The following FLG2 variants were observed in gnomAD, a reference collection of about 807,000 sequenced individuals.
FLG2 encodes filaggrin 2.
Under a neutral mutation model 3.9 loss-of-function variants are expected in FLG2, and 7 were observed. The observed-to-expected ratio is 1.79, with a 90% CI of 1.02 to 3.36. FLG2 has a LOEUF of 3.36. Ranked by LOEUF, FLG2 falls within the 30% of genes most tolerant of loss-of-function variation. The pLI is 0.00. For synonymous variants in FLG2, 1,031 were observed against 1,056.1 expected, an observed-to-expected ratio of 0.98 and a Z score of 0.46; for missense variants, 2,700 against 2,809.4, an observed-to-expected ratio of 0.96 and a Z score of 0.88.
chr1:152,351,164 G>T lies in FLG2; in HGVS notation c.6622C>A (p.His2208Asn). The T allele has an allele frequency of 6.2e-7, 1 of 1,613,884 alleles. No homozygotes were observed. Among genetic ancestry groups the T allele is most frequent in the Non-Finnish European group, 8.5e-7 (1 of 1,179,988 alleles). The change falls in exon 3 of 3, where the codon CAT (histidine) becomes AAT (asparagine). Residue 2208 changes from histidine (H) to asparagine (N), a missense_variant. Coordinates refer to ENST00000388718, the MANE Select transcript of FLG2 (RefSeq NM_001014342.3). The stretch of plus-strand genomic sequence containing the variant: ...TGACCTGAGGATCCTGACTGTCCAT[G>T]TCGAGATCCGGCTTGGCTGTGAGTG... The part of the protein sequence containing the change: ...GHTHSQAGSR[H>N]GQSGSSGHGR...
Position 152,357,352 on chromosome 1 carries a change from C to A in FLG2, c.434G>T (p.Gly145Val). Reference protein sequence around the residue: ...SEGEEHGYSSGHSRGTVKCRH... With the variant: ...SEGEEHGYSSVHSRGTVKCRH... The stretch of plus-strand genomic sequence containing the variant: ...ACATTTCACAGTTCCCCTTGAGTGC[C>A]CAGAACTATATCCATGCTCCTCTCC... Residue 145 changes from glycine (G) to valine (V), a missense_variant, in exon 3 of 3, where the codon GGG becomes GTG. Physicochemically the swap from Gly to Val is moderately radical, Grantham distance 109. Coordinates refer to ENST00000388718, the MANE Select transcript of FLG2 (RefSeq NM_001014342.3). The A allele has an allele frequency of 4.3e-6, 7 of 1,614,142 alleles. No individual in the cohort carries two copies. The highest frequency in any genetic ancestry group is 5.9e-6 in the Non-Finnish European group (7 of 1,180,030).
rs1203587296 is a variant in FLG2 at position 152,349,416 on chromosome 1, A to T, written c.*1194T>A. On this transcript the variant is annotated 3_prime_UTR_variant, in exon 3 of 3. Transcript: ENST00000388718. ...CATCTTGGCCTCCCAAAGTGCTGGG[A>T]TTACAGGCGTGAGCCACCGCGCCCG... 1 of 152,212 alleles carries T rather than the reference A, an allele frequency of 6.6e-6. No homozygotes were observed. Among genetic ancestry groups the T allele is most frequent in the Non-Finnish European group, 1.5e-5 (1 of 68,072 alleles). The allele number at this position is 152,212 out of a possible 1,614,324, so 9.4% of individuals were successfully genotyped here.
Position 152,350,447 on chromosome 1 carries a change from G to T in FLG2, c.*163C>A. On this transcript the variant is annotated 3_prime_UTR_variant, in exon 3 of 3. Transcript: ENST00000388718. ...GACTGTTTATGAGTTACTATAGAAT[G>T]TCCATGACTAGATTCCTGACTTCTT... The T allele has an allele frequency of 2.3e-6, 2 of 882,812 alleles. No homozygotes were observed. The highest frequency in any genetic ancestry group is 3.4e-6 in the Non-Finnish European group (2 of 594,462). The allele number at this position is 882,812 out of a possible 1,614,324, so 54.7% of individuals were successfully genotyped here. A position where few individuals can be genotyped will look rare whatever the true frequency, so the allele number is the denominator to read the frequency against.
Position 152,351,522 on chromosome 1 carries a change from T to C in FLG2, c.6264A>G (p.Gly2088=). 1 of 1,612,668 alleles carries C rather than the reference T, an allele frequency of 6.2e-7. No individual in the cohort carries two copies. The highest frequency in any genetic ancestry group is 8.5e-7 in the Non-Finnish European group (1 of 1,179,722). ...DTTRHAHSGH[G]QSTQRGSRTA... is the part of the protein sequence containing the mutation. The stretch of plus-strand genomic sequence containing the variant: ...TCCTTGACCCTCTCTGTGTGGACTG[T>C]CCATGACCAGAGTGAGCATGTCTAG... The change falls in exon 3 of 3, where the codon GGA becomes GGG. Residue 2088 remains glycine (G), a synonymous_variant. Coordinates refer to ENST00000388718, the MANE Select transcript of FLG2 (RefSeq NM_001014342.3).
rs1243892227 is a variant in FLG2 at position 152,354,829 on chromosome 1, C to T, written c.2957G>A (p.Gly986Asp). 2 of 1,613,214 alleles carry T rather than the reference C, an allele frequency of 1.2e-6. No individual in the cohort carries two copies. Among genetic ancestry groups the T allele is most frequent in the Admixed American group, 1.7e-5 (1 of 59,904 alleles). Reference protein sequence around the residue: ...QHESGSGKSSGFGQHESRSSQ... With the variant: ...QHESGSGKSSDFGQHESRSSQ... ...TGATCTAGACTCATGCTGTCCAAAGCCAGAGGATTTTCCTGAGCCTGACTC... is the reference window on the plus strand; with the variant it reads ...TGATCTAGACTCATGCTGTCCAAAGTCAGAGGATTTTCCTGAGCCTGACTC... Residue 986 changes from glycine (G) to aspartate (D), a missense_variant, in exon 3 of 3, where the codon GGC (glycine) becomes GAC (aspartate). Gly to Asp is a moderately conservative substitution (Grantham distance 94). Transcript: ENST00000388718.
In FLG2 at chr1:152,357,360, A is replaced by C; in HGVS notation, c.426T>G (p.Tyr142Ter). The change falls in exon 3 of 3, where the codon TAT becomes TAG. Residue 142 changes from tyrosine (Y) to a stop codon, truncating the protein, a stop_gained. Coordinates refer to ENST00000388718, the MANE Select transcript of FLG2 (RefSeq NM_001014342.3). LOFTEE classifies it low-confidence loss of function (END_TRUNC). ...CAGTTCCCCTTGAGTGCCCAGAACT[A>C]TATCCATGCTCCTCTCCCTCACTCC... ...SSWSEGEEHG[Y>*]SSGHSRGTVK... 6.2e-7 allele frequency: 1 copy of C among 1,614,152 alleles called. No homozygotes were observed. The highest frequency in any genetic ancestry group is 2.2e-5 in the East Asian group (1 of 44,884).
At position 152,354,406 on chromosome 1, in the gene FLG2, C is replaced by G; in HGVS notation, c.3380G>C (p.Gly1127Ala). 1.9e-6 allele frequency: 3 copies of G among 1,614,120 alleles called. No homozygotes were observed. The highest frequency in any genetic ancestry group is 2.5e-6 in the Non-Finnish European group (3 of 1,180,018). Residue 1127 changes from glycine to alanine, a missense_variant, in exon 3 of 3, where the codon GGC (glycine) becomes GCC (alanine). Physicochemically the swap from Gly to Ala is moderately conservative, Grantham distance 60. Transcript: ENST00000388718. The part of the protein sequence containing the change: ...QYGSGSGQSS[G>A]FGQHGSGTGK... The stretch of plus-strand genomic sequence containing the variant: ...TGTGCCTGACCCATGTTGTCCAAAG[C>G]CAGAAGACTGACCTGAGCCCGATCC...
Position 152,354,208 on chromosome 1 carries a change from C to T in FLG2, c.3578G>A (p.Gly1193Glu), listed in dbSNP as rs1288464433. ...VSGSDNFSSS[G>E]QHISDSGQST... Reference sequence around the variant, plus strand: ...CTGACCTGAGTCAGATATATGTTGTCCAGAACTAGAGAAATTGTCTGAGCC... The same window carrying T: ...CTGACCTGAGTCAGATATATGTTGTTCAGAACTAGAGAAATTGTCTGAGCC... The change falls in exon 3 of 3, where the codon GGA becomes GAA. Residue 1193 changes from glycine (G) to glutamate (E), a missense_variant. Gly to Glu is a moderately conservative substitution (Grantham distance 98, BLOSUM62 -2). Coordinates refer to ENST00000388718, the MANE Select transcript of FLG2 (RefSeq NM_001014342.3). 1.5e-5 allele frequency: 25 copies of T among 1,614,140 alleles called. No homozygotes were observed. Among genetic ancestry groups the T allele is most frequent in the African/African-American group, 2.7e-5 (2 of 75,048 alleles).
chr1:152,356,585 A>C lies in FLG2; in HGVS notation c.1201T>G (p.Cys401Gly), dbSNP rs1289141395. 2 of 1,614,056 alleles carry C rather than the reference A, an allele frequency of 1.2e-6. No individual in the cohort carries two copies. The highest frequency in any genetic ancestry group is 1.7e-6 in the Non-Finnish European group (2 of 1,180,026). Reference sequence around the variant, plus strand: ...CTAGAAGAGTTTGAAAAGCGGCCACAGGAACCATATTCATGTTGACCATTA... The same window carrying C: ...CTAGAAGAGTTTGAAAAGCGGCCACCGGAACCATATTCATGTTGACCATTA... ...CSNGQHEYGS[C>G]GRFSNSSSSN... is the part of the protein sequence containing the mutation. The change falls in exon 3 of 3, where the codon TGT becomes GGT. Residue 401 changes from cysteine to glycine, a missense_variant. Physicochemically the swap from Cys to Gly is radical, Grantham distance 159. Coordinates refer to ENST00000388718, the MANE Select transcript of FLG2 (RefSeq NM_001014342.3).
chr1:152,358,626 A>C, intron 2 of FLG2, 121 bp downstream of exon 2: 10 of 906,548 alleles, frequency 1.1e-5, no homozygotes, highest in Non-Finnish European at 1.6e-5. Flanking sequence ...CATCCCCAAA[A>C]TACCACTCAT....
Position 152,356,846 on chromosome 1 carries a change from G to C in FLG2, c.940C>G (p.Gln314Glu). 1 of 1,614,230 alleles carries C rather than the reference G, an allele frequency of 6.2e-7. No homozygotes were observed. Among genetic ancestry groups the C allele is most frequent in the Middle Eastern group, 1.6e-4 (1 of 6,062 alleles). The change falls in exon 3 of 3, where the codon CAG becomes GAG. Residue 314 changes from glutamine to glutamate, a missense_variant. Transcript: ENST00000388718. ...TTAATTCCTGACTGACAGCCTGACT[G>C]AATATAGCTAAATTGATTTCCTTGC... ...GGQGNQFSYI[Q>E]SGCQSGIKGG...
chr1:152,356,548 A>G lies in FLG2; in HGVS notation c.1238T>C (p.Phe413Ser). Residue 413 changes from phenylalanine (F) to serine (S), a missense_variant, in exon 3 of 3, where the codon TTT becomes TCT. Phe to Ser is a radical substitution (Grantham distance 155, BLOSUM62 -2). Transcript: ENST00000388718. Reference protein sequence around the residue: ...RFSNSSSSNEFSKCDQYGSGS... With the variant: ...RFSNSSSSNESSKCDQYGSGS... ...AGACCCATATTGATCACATTTGGAA[A>G]ATTCATTTGAACTAGAAGAGTTTGA... The G allele has an allele frequency of 6.2e-7, 1 of 1,614,204 alleles. No individual in the cohort carries two copies. The highest frequency in any genetic ancestry group is 8.5e-7 in the Non-Finnish European group (1 of 1,180,044).
chr1:152,357,680 G>A (rs1328112391), intron 2 of FLG2, 33 bp from the exon 3 acceptor site: 3 of 1,533,726 alleles, frequency 2.0e-6, no homozygotes, highest in Non-Finnish European at 2.7e-6. Context: ...GGGAGACCTG[G>A]TCAGCCTAAC....
intron 2 of FLG2, 36 bp downstream of exon 2, chr1:152,358,711 C>T (rs774448215): frequency 6.2e-7 from 1 of 1,602,058 alleles, no homozygotes; most frequent in South Asian, 1.1e-5. Context: ...TTGTACAGGA[C>T]TCCAGCAGCC....
chr1:152,351,745 T>G lies in FLG2; in HGVS notation c.6041A>C (p.Gln2014Pro). 6.2e-7 allele frequency: 1 copy of G among 1,611,650 alleles called. No homozygotes were observed. The highest frequency in any genetic ancestry group is 8.5e-7 in the Non-Finnish European group (1 of 1,179,578). ...TTRHGHSGHG[Q>P]STQRGSRTTG... is the part of the protein sequence containing the mutation. ...TGTCCTGGACCCTCTCTGTGTGGAC[T>G]GTCCATGACCAGAGTGGCCATGTCT... The change falls in exon 3 of 3, where the codon CAG becomes CCG. Residue 2014 changes from glutamine (Q) to proline (P), a missense_variant. Transcript: ENST00000388718.
chr1:152,350,619 A>G lies in FLG2; in HGVS notation c.7167T>C (p.Ser2389=), dbSNP rs1653868659. The G allele has an allele frequency of 2.5e-6, 4 of 1,613,050 alleles. No homozygotes were observed. In the East Asian group the frequency reaches 8.9e-5, roughly 36 times the overall value. Residue 2389 remains serine (S), a synonymous_variant, in exon 3 of 3, where the codon TCT becomes TCC. Coordinates refer to ENST00000388718, the MANE Select transcript of FLG2 (RefSeq NM_001014342.3). The stretch of plus-strand genomic sequence containing the variant: ...AACTAGAAAATAACTGTCAATGTCT[A>G]GACAGTTGCTTGTTTGCAGTGCTGT... ...STDSTANKQL[S]RH
In FLG2 at chr1:152,353,723, C is replaced by A. The variant is rs1271456199; in HGVS notation, c.4063G>T (p.Val1355Leu). The change falls in exon 3 of 3, where the codon GTG becomes TTG. Residue 1355 changes from valine (V) to leucine (L), a missense_variant. Val to Leu is a conservative substitution (Grantham distance 32). Transcript: ENST00000388718. ...FSHSDATDSE[V>L]HSGVSHRPHS... is the part of the protein sequence containing the mutation. The stretch of plus-strand genomic sequence containing the variant: ...GGTCTATGTGAGACCCCTGAGTGCA[C>A]TTCACTGTCAGTGGCATCACTGTGG... The A allele has an allele frequency of 6.2e-7, 1 of 1,614,082 alleles. No individual in the cohort carries two copies. The highest frequency in any genetic ancestry group is 1.3e-5 in the African/African-American group (1 of 74,938).
Position 152,355,834 on chromosome 1 carries a change from T to C in FLG2, c.1952A>G (p.Gln651Arg). 6.2e-7 allele frequency: 1 copy of C among 1,612,678 alleles called. No individual in the cohort carries two copies. Among genetic ancestry groups the C allele is most frequent in the Non-Finnish European group, 8.5e-7 (1 of 1,179,688 alleles). ...GFGQHGSGSS[Q>R]STGFGQYGSG... ...TCCATATTGGCCAAAGCCAGTGGAT[T>C]GACTTGAGCCTGACCCATGTTGTCC... is the stretch of plus-strand genomic sequence containing the variant. Residue 651 changes from glutamine to arginine, a missense_variant, in exon 3 of 3, where the codon CAA becomes CGA. By Grantham distance (43) the Gln-to-Arg change is conservative (BLOSUM62 1). Transcript: ENST00000388718.
chr1:152,357,888 A>G (rs935020889), intron 2 of FLG2, among the ~76,000 whole-genome samples: 1 of 152,214 alleles, frequency 6.6e-6, no homozygotes, highest in Non-Finnish European at 1.5e-5. Flanking sequence ...GTGCTTAGGT[A>G]AGGCCTACAG....
Sources: gnomAD v4.1 joint callset for allele counts (sites outside exome capture counted in the v4.1 genomes callset) on GRCh38, gnomAD v4.1.1 for gene constraint, MANE v1.5 for transcripts, NCBI Gene and HGNC (gene_info 2026-07-23, HGNC 2026-07-21) for gene names.